The following RFX8 variants were observed in gnomAD, a reference collection of about 807,000 sequenced individuals.
RFX8 encodes the protein regulatory factor X8, also known as DNA-binding protein RFX8.
In RFX8, 46 loss-of-function variants were observed where a neutral mutation model predicts 54.6. The observed-to-expected ratio is 0.84, with a 90% CI of 0.67 to 1.08. The LOEUF is 1.08. RFX8 is among the 50% of genes least tolerant of loss of function. The pLI is 0.00. For missense variants in RFX8, 536 were observed against 562.3 expected (o/e 0.95, Z 0.47); for synonymous variants, 192 against 209.5 (o/e 0.92, Z 0.72).
Position 101,417,683 on chromosome 2 carries a change from C to T in RFX8, c.353G>A (p.Gly118Glu), listed in dbSNP as rs1433730778. 4.5e-6 allele frequency: 7 copies of T among 1,545,502 alleles called. No homozygotes were observed. Among genetic ancestry groups the T allele is most frequent in the South Asian group, 2.4e-5 (2 of 82,930 alleles). The change falls in exon 6 of 12, where the codon GGA becomes GAA. Residue 118 changes from glycine to glutamate, a missense_variant and splice_region_variant. Transcript: ENST00000428343. ...FKCYDVQLYK[G>E]IEDVLLHDFL... ...GTCATGAAGGAGAACATCCTCAATT[C>T]CCTACAACAAAAGTAACAAGACACT...
chr2:101,469,140 A>G lies in RFX8; in HGVS notation c.-52-2240T>C, dbSNP rs189543858. On this transcript the variant is annotated intron_variant, in intron 1 of 11. Coordinates refer to ENST00000428343, the MANE Select transcript of RFX8 (RefSeq NM_001145664.2). The stretch of plus-strand genomic sequence containing the variant: ...TATATATAAGTATATATATATAAGT[A>G]TATATATATATATACACACACACAC... Among the ~76,000 whole-genome samples the G allele has an allele frequency of 2.6e-3, 352 of 135,054 alleles. 7 individuals are homozygous for G. Among genetic ancestry groups the G allele is most frequent in the Middle Eastern group, 7.5e-3 (2 of 268 alleles). The allele number at this position is 135,054 out of a possible 152,430, so 88.6% of individuals were successfully genotyped here.
chr2:101,409,379 C>A (rs527768040), intron 9 of RFX8, among the ~76,000 whole-genome samples: 1 of 151,612 alleles, frequency 6.6e-6, no homozygotes, highest in Non-Finnish European at 1.5e-5. Flanking sequence ...CATGACATCA[C>A]GCCCAGCTAA....
intron 1 of RFX8, among the ~76,000 whole-genome samples, chr2:101,469,030 ACG>A (rs1415342630): frequency 3.0e-4 from 16 of 53,370 alleles, no homozygotes; most frequent in African/African-American, 9.2e-4. Flanking sequence ...ATATATATAT[ACG>A]TATATATATG....
At chr2:101,474,248 A>G (rs1314823314) in intron 1 of RFX8, 5 of 536,826 alleles carry the variant, frequency 9.3e-6, no homozygotes, top group Non-Finnish European at 1.7e-5. Context: ...TCGCCGCTCG[A>G]CGGCGAGGCC....
At chr2:101,437,162 G>A (rs1011759811) in intron 2 of RFX8, among the ~76,000 whole-genome samples, 6 of 152,204 alleles carry the variant, frequency 3.9e-5, no homozygotes, top group Non-Finnish European at 8.8e-5. Context: ...AATTCAGGCT[G>A]GGTGCAGTGG....
intron 1 of RFX8, among the ~76,000 whole-genome samples, chr2:101,471,074 C>T (rs1001596336): frequency 7.5e-4 from 114 of 151,284 alleles, no homozygotes; most frequent in African/African-American, 2.6e-3. Context: ...TGGCTCATGC[C>T]TGTAATCCCA....
intron 4 of RFX8, among the ~76,000 whole-genome samples, chr2:101,419,278 C>G (rs1220842316): frequency 6.6e-6 from 1 of 152,172 alleles, no homozygotes; most frequent in Non-Finnish European, 1.5e-5. Flanking sequence ...AGGACTGGGC[C>G]ACAGGGCACA....
chr2:101,414,833 A>G (rs1686395079), intron 7 of RFX8, 21 bp downstream of exon 7: 19 of 1,537,626 alleles, frequency 1.2e-5, no homozygotes, highest in Non-Finnish European at 1.7e-5. Context: ...GTTCCCTCCT[A>G]TCTGCTTGGC....
At chr2:101,437,200 G>A (rs894462482) in intron 2 of RFX8, among the ~76,000 whole-genome samples, 46 of 152,318 alleles carry the variant, frequency 3.0e-4, no homozygotes, top group African/African-American at 9.1e-4. Context: ...AGCACTTTGG[G>A]AGGCTGAGGC....
At chr2:101,454,366 T>C (rs1688855133) in intron 2 of RFX8, among the ~76,000 whole-genome samples, 1 of 152,244 alleles carries the variant, frequency 6.6e-6, no homozygotes, top group African/African-American at 2.4e-5. Context: ...TATGTGTGCA[T>C]GTGTCTTTAT....
chr2:101,398,392 G>A (rs1217054730), intron 11 of RFX8, among the ~76,000 whole-genome samples: 3 of 152,132 alleles, frequency 2.0e-5, no homozygotes, highest in African/African-American at 7.2e-5. Flanking sequence ...GCCTGTGAAA[G>A]GCACCCACGG....
chr2:101,429,925 T>C (rs1429397348), intron 2 of RFX8, among the ~76,000 whole-genome samples: 3 of 152,134 alleles, frequency 2.0e-5, no homozygotes, highest in Non-Finnish European at 2.9e-5. Context: ...TTCTACGTCC[T>C]CCCCAGCCTC....
At position 101,402,425 on chromosome 2, in the gene RFX8, G is replaced by A; in HGVS notation, c.1245+11C>T. 1 of 1,535,124 alleles carries A rather than the reference G, an allele frequency of 6.5e-7. No homozygotes were observed. Among genetic ancestry groups the A allele is most frequent in the Non-Finnish European group, 8.8e-7 (1 of 1,134,600 alleles). On this transcript the variant is annotated intron_variant, in intron 11 of 11. Coordinates refer to ENST00000428343, the MANE Select transcript of RFX8 (RefSeq NM_001145664.2). ...AAACAGCTGTGTGGAAGGGGGTCCTGGTGTCCCTACCTTATTGCCCATGGC... is the reference window on the plus strand; with the variant it reads ...AAACAGCTGTGTGGAAGGGGGTCCTAGTGTCCCTACCTTATTGCCCATGGC...
chr2:101,426,790 C>T (rs1449558549), intron 2 of RFX8, among the ~76,000 whole-genome samples: 1 of 152,126 alleles, frequency 6.6e-6, no homozygotes, highest in Non-Finnish European at 1.5e-5. Flanking sequence ...GCACCATCTG[C>T]CTCCCCTGGG....
At chr2:101,450,708 T>A in intron 2 of RFX8, 1 of 1,188,042 alleles carries the variant, frequency 8.4e-7, no homozygotes, top group African/African-American at 1.5e-5. Flanking sequence ...GTCTTTAAAT[T>A]TATGTCTAAC....
intron 2 of RFX8, among the ~76,000 whole-genome samples, chr2:101,465,661 G>A (rs1174856156): frequency 6.6e-6 from 1 of 152,118 alleles, no homozygotes; most frequent in Non-Finnish European, 1.5e-5. Flanking sequence ...TTTATATAGA[G>A]TATTAATATT....
chr2:101,429,807 C>T (rs974896228), intron 2 of RFX8, among the ~76,000 whole-genome samples: 2 of 152,188 alleles, frequency 1.3e-5, no homozygotes, highest in African/African-American at 4.8e-5. Flanking sequence ...CAGCCTCTTG[C>T]TGTGCTTCTG....
chr2:101,463,227 T>C (rs1007612056), intron 2 of RFX8, among the ~76,000 whole-genome samples: 3 of 152,184 alleles, frequency 2.0e-5, no homozygotes, highest in Non-Finnish European at 2.9e-5. Context: ...AATGTGGTTA[T>C]AGAATGCTAC....
At chr2:101,450,638 GAAGA>G in intron 2 of RFX8, 1 of 1,516,994 alleles carries the variant, frequency 6.6e-7, no homozygotes, top group Non-Finnish European at 8.9e-7. Context: ...ACTGGGCATA[GAAGA>G]AAGAGCTTTT....
Sources: gnomAD v4.1 joint callset for allele counts (sites outside exome capture counted in the v4.1 genomes callset) on GRCh38, gnomAD v4.1.1 for gene constraint, MANE v1.5 for transcripts, NCBI Gene and HGNC (gene_info 2026-07-23, HGNC 2026-07-21) for gene names.